FGF13: variants seen among roughly 807,000 people sequenced by gnomAD.
FGF13 encodes fibroblast growth factor 13, also known as fibroblast growth factor homologous factor 2.
FGF13 carries 2 observed loss-of-function variants against 19.5 expected under a neutral mutation model. The ratio of observed to expected loss-of-function variants is 0.10; its 90% CI spans 0.04 to 0.32. The LOEUF (loss-of-function observed/expected upper bound fraction) is 0.32. FGF13 is among the 10% of genes least tolerant of loss of function. FGF13 has a pLI of 1.00. For missense variants in FGF13, 113 were observed against 192.7 expected (o/e 0.59, Z 2.45); for synonymous variants, 72 against 76.9 (o/e 0.94, Z 0.33).
chrX:138,994,971 AC>A (rs1473573189), intron 1 of FGF13, among the ~76,000 whole-genome samples: 3 of 79,391 alleles, frequency 3.8e-5, no homozygotes, highest in Non-Finnish European at 7.3e-5. Flanking sequence ...CACCAATTCA[AC>A]AACTATGTAA....
intron 1 of FGF13, among the ~76,000 whole-genome samples, chrX:139,018,587 G>A (rs1235406345): frequency 9.0e-6 from 1 of 111,238 alleles, no homozygotes; most frequent in Non-Finnish European, 1.9e-5. Context: ...TCTAAAGGGA[G>A]GCAAGCCTGT....
intron 3 of FGF13, among the ~76,000 whole-genome samples, chrX:138,695,897 G>A (rs1225051041): frequency 8.9e-6 from 1 of 112,000 alleles, no homozygotes; most frequent in Non-Finnish European, 1.9e-5. Context: ...TCTAGTTGGG[G>A]AAGATGAAAA....
chrX:139,135,901 AT>A (rs1350355572), intron 1 of FGF13, among the ~76,000 whole-genome samples: 1 of 111,868 alleles, frequency 8.9e-6, no homozygotes, highest in Admixed American at 9.5e-5. Context: ...TCATGTCAAA[AT>A]TTCAAAATAA....
intron 1 of FGF13, among the ~76,000 whole-genome samples, chrX:138,948,258 G>C (rs901376935): frequency 9.0e-5 from 10 of 111,482 alleles, no homozygotes; most frequent in African/African-American, 3.3e-4. Flanking sequence ...TGATTCTGAT[G>C]ATATGCCTGG....
intron 1 of FGF13, among the ~76,000 whole-genome samples, chrX:138,736,742 ATT>A (rs1022183028): frequency 2.7e-5 from 3 of 110,908 alleles, no homozygotes; most frequent in Non-Finnish European, 3.8e-5. Context: ...ATGTAAATAT[ATT>A]GTTTTCTTCC....
At chrX:138,811,288 C>T (rs1398241521) in intron 3 of FGF13, among the ~76,000 whole-genome samples, 1 of 111,201 alleles carries the variant, frequency 9.0e-6, no homozygotes, top group East Asian at 2.8e-4. Flanking sequence ...AGTTCATGTC[C>T]TTTGTAGGGA....
intron 1 of FGF13, among the ~76,000 whole-genome samples, chrX:138,992,026 A>G (rs2092018037): frequency 9.0e-6 from 1 of 111,621 alleles, no homozygotes; most frequent in Non-Finnish European, 1.9e-5. Flanking sequence ...TATTGTTTTA[A>G]TGTGCATTTC....
rs763918472 is a variant in FGF13 at position 139,032,587 on chromosome X, A to G, written c.-112-167937T>C. 4.5e-5 allele frequency among the ~76,000 whole-genome samples: 5 copies of G among 111,426 alleles called. No homozygotes were observed. The East Asian group carries it at 1.1e-3, about 26-fold the overall frequency. ...AAAGACATTCTGAGAAGGAAAGAGAAAAAACCCCAGAGACATAAACAAAGG... is the reference window on the plus strand; with the variant it reads ...AAAGACATTCTGAGAAGGAAAGAGAGAAAACCCCAGAGACATAAACAAAGG... On this transcript the variant is annotated intron_variant, in intron 1 of 2. Coordinates refer to the FGF13 transcript ENST00000421460.
At chrX:139,011,361 CAAAAAAAA>C (rs3047329) in intron 1 of FGF13, among the ~76,000 whole-genome samples, 4 of 82,930 alleles carry the variant, frequency 4.8e-5, no homozygotes, top group Admixed American at 2.8e-4. Flanking sequence ...AACAAACAAA[CAAAAAAAA>C]AAAAAAAAAA....
At position 138,617,411 on chromosome X, in the gene FGF13, G is replaced by C. The variant is rs1185795495; in HGVS notation, c.*15439C>G. 8.9e-6 allele frequency: 1 copy of C among 112,141 alleles called. No homozygotes were observed. The highest frequency in any genetic ancestry group is 1.9e-5 in the Non-Finnish European group (1 of 53,232). The allele number at this position is 112,141 out of a possible 1,213,427, so 9.2% of individuals were successfully genotyped here. ...AATGTTGGGGGAAATACTTGGAAGT[G>C]AATATAATCAACTAACTTGCAACCG... On this transcript the variant is annotated 3_prime_UTR_variant, in exon 5 of 5. Transcript: ENST00000315930.
chrX:138,854,453 G>T (rs1196009912), downstream of FGF13, among the ~76,000 whole-genome samples: 3 of 111,180 alleles, frequency 2.7e-5, no homozygotes, highest in Non-Finnish European at 5.7e-5. Flanking sequence ...TCTATAAAAA[G>T]ATGGGTGACT....
chrX:139,153,991 C>T (rs1387552866), intron 1 of FGF13, among the ~76,000 whole-genome samples: 1 of 111,638 alleles, frequency 9.0e-6, no homozygotes, highest in Admixed American at 9.5e-5. Flanking sequence ...GACTTCTAGC[C>T]TCCAGAACTA....
intron 3 of FGF13, among the ~76,000 whole-genome samples, chrX:138,837,344 C>T (rs1464703614): frequency 6.3e-5 from 7 of 111,525 alleles, no homozygotes; most frequent in East Asian, 5.7e-4. Context: ...AGAGCTGAGA[C>T]GTCTGTCAGC....
At chrX:138,908,347 G>A (rs2091569969) in intron 1 of FGF13, among the ~76,000 whole-genome samples, 2 of 107,421 alleles carry the variant, frequency 1.9e-5, no homozygotes, top group Non-Finnish European at 3.8e-5. Context: ...AAAGTGCTGG[G>A]ATTACAGGCG....
At chrX:138,636,370 A>G (rs776584702) in intron 3 of FGF13, among the ~76,000 whole-genome samples, 2 of 111,833 alleles carry the variant, frequency 1.8e-5, no homozygotes, top group Non-Finnish European at 3.8e-5. Context: ...ACTCAGGAAT[A>G]TGGTTTTCTG....
At chrX:138,997,802 G>A (rs1456570949) in intron 1 of FGF13, among the ~76,000 whole-genome samples, 1 of 111,867 alleles carries the variant, frequency 8.9e-6, no homozygotes, top group Admixed American at 9.4e-5. Flanking sequence ...AGCAAGGCAG[G>A]CCAACATTCA....
In FGF13 at chrX:138,984,626, G is replaced by GGAA. The variant is rs1569436240; in HGVS notation, c.-112-119977_-112-119976insTTC. Among the ~76,000 whole-genome samples the GGAA allele has an allele frequency of 3.4e-4, 22 of 65,031 alleles. 1 individual carries two copies. The highest frequency in any genetic ancestry group is 7.1e-4 in the African/African-American group (12 of 16,902). The allele number at this position is 65,031 out of a possible 115,157, so 56.5% of individuals were successfully genotyped here. A position where few individuals can be genotyped will look rare whatever the true frequency, so the allele number is the denominator to read the frequency against. ...AGGAGGAGGAGGAGGATGAGGAAGA[G>GGAA]GAGGAGGAGGAGGAGGAGAAGAAGA... On this transcript the variant is annotated intron_variant, in intron 1 of 2. Coordinates refer to the FGF13 transcript ENST00000421460.
At chrX:138,728,036 G>GA (rs2090199018) in intron 1 of FGF13, among the ~76,000 whole-genome samples, 1 of 111,385 alleles carries the variant, frequency 9.0e-6, no homozygotes, top group South Asian at 3.7e-4. Context: ...AAAAACTAAA[G>GA]AAAAATGCGT....
chrX:138,958,750 G>A (rs1228011648), intron 1 of FGF13, among the ~76,000 whole-genome samples: 1 of 111,516 alleles, frequency 9.0e-6, no homozygotes, highest in Non-Finnish European at 1.9e-5. Context: ...TTAGTCTTGG[G>A]AGGGTGTATG....
Sources: allele counts gnomAD v4.1 joint callset (sites outside exome capture counted in the v4.1 genomes callset), GRCh38; gene constraint gnomAD v4.1.1; transcripts MANE v1.5; gene names NCBI Gene and HGNC (gene_info 2026-07-23, HGNC 2026-07-21).